TENM3: variants seen among roughly 807,000 people sequenced by gnomAD.
TENM3 encodes the protein teneurin transmembrane protein 3.
In TENM3, 63 loss-of-function variants were observed where a neutral mutation model predicts 255.1. That is an observed-to-expected ratio of 0.25 (90% confidence interval 0.20 to 0.30). The LOEUF (loss-of-function observed/expected upper bound fraction) is 0.30, where lower values mean the gene tolerates loss of function less well. Ranked by LOEUF, TENM3 falls within the 10% of genes least tolerant of loss-of-function variation. The pLI is 1.00. For missense variants in TENM3, 2,929 were observed against 3,461.1 expected (o/e 0.85, Z 3.86); for synonymous variants, 1,306 against 1,322.3 (o/e 0.99, Z 0.27).
chr4:182,159,950 G>T (rs1016641245), intron 1 of TENM3, among the ~76,000 whole-genome samples: 3 of 152,178 alleles, frequency 2.0e-5, no homozygotes, highest in African/African-American at 7.2e-5. Flanking sequence ...AGATAACAGG[G>T]ATGCTTTGTG....
At chr4:181,868,833 T>C in the TENM3 span, among the ~76,000 whole-genome samples, 1 of 152,172 alleles carries the variant, frequency 6.6e-6, no homozygotes, top group African/African-American at 2.4e-5. Flanking sequence ...TCGCATTTCT[T>C]TATTTCAAGA....
chr4:182,313,784 G>T (rs1762586251), intron 1 of TENM3, among the ~76,000 whole-genome samples: 1 of 152,032 alleles, frequency 6.6e-6, no homozygotes, highest in Non-Finnish European at 1.5e-5. Flanking sequence ...CAGAAAGTTG[G>T]TATCATTCTC....
intron 4 of TENM3, among the ~76,000 whole-genome samples, chr4:182,621,810 T>TAA (rs1561017203): frequency 1.4e-4 from 14 of 98,384 alleles, no homozygotes; most frequent in African/African-American, 6.0e-4. Flanking sequence ...AATATATATA[T>TAA]TATATATATA....
chr4:182,385,870 A>ATAT (rs991105927), intron 3 of TENM3, among the ~76,000 whole-genome samples: 1 of 152,136 alleles, frequency 6.6e-6, no homozygotes, highest in African/African-American at 2.4e-5. Context: ...GCTATTTTTC[A>ATAT]TATTATTATT....
chr4:181,675,666 G>A, the TENM3 span, among the ~76,000 whole-genome samples: 3 of 152,056 alleles, frequency 2.0e-5, no homozygotes, highest in Admixed American at 6.6e-5. Context: ...TTTCTCTTGC[G>A]TGTGGCCATC....
chr4:181,497,693 C>T, the TENM3 span, among the ~76,000 whole-genome samples: 1 of 152,080 alleles, frequency 6.6e-6, no homozygotes, highest in Non-Finnish European at 1.5e-5. Context: ...TACCTATTGT[C>T]CTTTATGCTT....
intron 19 of TENM3, 128 bp downstream of exon 19, chr4:182,743,547 A>G (rs1288174076): frequency 9.5e-7 from 1 of 1,054,082 alleles, no homozygotes; most frequent in Non-Finnish European, 1.4e-6. Flanking sequence ...TCCCCCAGAA[A>G]GAAGTCAAAT....
chr4:182,786,868 C>T (rs1765702797), intron 24 of TENM3, among the ~76,000 whole-genome samples: 1 of 152,144 alleles, frequency 6.6e-6, no homozygotes, highest in African/African-American at 2.4e-5. Flanking sequence ...CAACCTTAAA[C>T]ATTCAGGGTA....
intron 3 of TENM3, among the ~76,000 whole-genome samples, chr4:182,546,504 T>G (rs184215211): frequency 2.6e-5 from 4 of 152,304 alleles, no homozygotes; most frequent in African/African-American, 9.6e-5. Flanking sequence ...GGCACAATTA[T>G]GGCTCACTGA....
intron 16 of TENM3, among the ~76,000 whole-genome samples, chr4:182,732,453 G>A (rs927348931): frequency 6.6e-6 from 1 of 152,186 alleles, no homozygotes; most frequent in Non-Finnish European, 1.5e-5. Context: ...TACTGAAATA[G>A]CTGAGGATTG....
chr4:181,895,317 G>A, the TENM3 span, among the ~76,000 whole-genome samples: 1 of 151,846 alleles, frequency 6.6e-6, no homozygotes, highest in Non-Finnish European at 1.5e-5. Context: ...TAAAGGCTTA[G>A]GTCGTTCCAT....
At chr4:181,500,466 G>A in the TENM3 span, among the ~76,000 whole-genome samples, 1 of 152,136 alleles carries the variant, frequency 6.6e-6, no homozygotes, top group East Asian at 1.9e-4. Context: ...TTGTGGCTAT[G>A]GATGAAAAGA....
chr4:181,846,116 G>A, the TENM3 span, among the ~76,000 whole-genome samples: 15 of 151,878 alleles, frequency 9.9e-5, no homozygotes, highest in African/African-American at 1.9e-4. Context: ...ATATTTCAAG[G>A]CCTCTTTCCT....
At chr4:181,474,356 A>G in the TENM3 span, among the ~76,000 whole-genome samples, 1 of 152,206 alleles carries the variant, frequency 6.6e-6, no homozygotes, top group Non-Finnish European at 1.5e-5. Flanking sequence ...ATTCTAAAAA[A>G]TAAAGTCAAC....
chr4:182,774,618 A>T (rs1764530002), intron 23 of TENM3, among the ~76,000 whole-genome samples: 1 of 152,136 alleles, frequency 6.6e-6, no homozygotes, highest in Non-Finnish European at 1.5e-5. Flanking sequence ...CAAAATATTT[A>T]CTTAGTGCAC....
chr4:181,918,604 G>C, the TENM3 span, among the ~76,000 whole-genome samples: 2 of 151,994 alleles, frequency 1.3e-5, no homozygotes, highest in Non-Finnish European at 2.9e-5. Context: ...TAAATGTCCT[G>C]ATTATTTTGG....
the TENM3 span, among the ~76,000 whole-genome samples, chr4:181,451,756 A>C: frequency 4.9e-3 from 751 of 152,328 alleles, 3 homozygotes; most frequent in African/African-American, 0.017. Context: ...AAATGGATGC[A>C]GAATACCTAA....
intron 1 of TENM3, among the ~76,000 whole-genome samples, chr4:182,229,411 G>T (rs1462681802): frequency 6.6e-6 from 1 of 152,094 alleles, no homozygotes; most frequent in Non-Finnish European, 1.5e-5. Context: ...CTGTGGTCCC[G>T]AGTGGGGAAA....
chr4:182,758,424 G>A (rs1222621025), intron 22 of TENM3, among the ~76,000 whole-genome samples: 2 of 152,162 alleles, frequency 1.3e-5, no homozygotes, highest in Admixed American at 1.3e-4. Flanking sequence ...GTCTGTGTAA[G>A]TTTGAGATGG....
Sources: allele counts gnomAD v4.1 joint callset (sites outside exome capture counted in the v4.1 genomes callset), GRCh38; gene constraint gnomAD v4.1.1; transcripts MANE v1.5; gene names NCBI Gene and HGNC (gene_info 2026-07-23, HGNC 2026-07-21).